The following SLC19A1 variants were observed in gnomAD, a reference collection of about 807,000 sequenced individuals.
The protein encoded by SLC19A1 is reduced folate transporter.
SLC19A1 carries 37 observed loss-of-function variants against 35.3 expected under a neutral mutation model. The observed-to-expected ratio is 1.05, with a 90% confidence interval of 0.81 to 1.38. The LOEUF (loss-of-function observed/expected upper bound fraction) is 1.38. Ranked by LOEUF, SLC19A1 falls within the 40% of genes most tolerant of loss-of-function variation. The pLI, the probability that SLC19A1 is intolerant of heterozygous loss-of-function variation, is 0.00. For missense variants in SLC19A1, 831 were observed against 826.9 expected, an observed-to-expected ratio of 1.00 and a Z score of -0.06; for synonymous variants, 460 against 398.5, an observed-to-expected ratio of 1.15 and a Z score of -1.84.
intron 1 of SLC19A1, among the ~76,000 whole-genome samples, chr21:45,555,193 CGGGGGCGGCGCA>C (rs1419722831): frequency 7.5e-5 from 1 of 13,328 alleles, no homozygotes; most frequent in African/African-American, 4.5e-4. Context: ...CAGGGGGCGG[CGGGGGCGGCGCA>C]GGGGGCGGTG....
chr21:45,525,673 G>A, intron 5 of SLC19A1, 144 bp downstream of exon 5: 1 of 842,544 alleles, frequency 1.2e-6, no homozygotes, highest in Non-Finnish European at 1.8e-6. Context: ...TCGCTGGCCT[G>A]GTGTGTCCCA....
intron 3 of SLC19A1, among the ~76,000 whole-genome samples, chr21:45,503,622 T>A (rs1433128675): frequency 2.5e-5 from 3 of 118,036 alleles, no homozygotes; most frequent in East Asian, 2.6e-4. Flanking sequence ...AACATCACAC[T>A]CTGGGGACTG....
downstream of SLC19A1, among the ~76,000 whole-genome samples, chr21:45,510,592 A>T (rs2037523002): frequency 6.6e-6 from 1 of 152,134 alleles, no homozygotes; most frequent in Non-Finnish European, 1.5e-5. Flanking sequence ...GGGCTCACAT[A>T]CAAGCCTGGA....
intron 4 of SLC19A1, among the ~76,000 whole-genome samples, chr21:45,527,300 C>T (rs1163783542): frequency 7.0e-6 from 1 of 142,302 alleles, no homozygotes; most frequent in African/African-American, 2.7e-5. Flanking sequence ...TATGCCCGGG[C>T]AGGCCCTGGA....
Position 45,515,113 on chromosome 21 carries a change from T to C in SLC19A1, c.*545A>G. 2 of 1,542,234 alleles carry C rather than the reference T, an allele frequency of 1.3e-6. No homozygotes were observed. The highest frequency in any genetic ancestry group is 1.7e-6 in the Non-Finnish European group (2 of 1,144,504). ...GTGTCTGCCGCCAACCTGAGATGGC[T>C]TTTCCACAGAGACAGAGAAGCCACA... On this transcript the variant is annotated 3_prime_UTR_variant, in exon 6 of 6. Transcript: ENST00000311124.
intron 3 of SLC19A1, chr21:45,505,035 C>T (rs1202851412): frequency 1.2e-5 from 18 of 1,485,502 alleles, no homozygotes; most frequent in East Asian, 2.4e-5. Context: ...AGAGGCTGCG[C>T]TCGCCAAGGG....
intron 3 of SLC19A1, chr21:45,505,130 G>T (rs368482196): frequency 6.2e-7 from 1 of 1,608,212 alleles, no homozygotes; most frequent in Admixed American, 1.7e-5. Context: ...GTCGCCGTCC[G>T]TAGGGTCCCA....
At chr21:45,539,589 T>C (rs898927336) in intron 1 of SLC19A1, among the ~76,000 whole-genome samples, 2 of 152,184 alleles carry the variant, frequency 1.3e-5, no homozygotes, top group Non-Finnish European at 2.9e-5. Flanking sequence ...AGTCTTCACG[T>C]ATCAGAGACC....
rs1229244269 is a variant in SLC19A1 at position 45,514,321 on chromosome 21, G to A, written c.*1337C>T. 2 of 151,916 alleles carry A rather than the reference G, an allele frequency of 1.3e-5. No homozygotes were observed. The highest frequency in any genetic ancestry group is 2.4e-5 in the African/African-American group (1 of 41,288). 9.4% of individuals were successfully genotyped at this position (151,916 alleles called of 1,614,324 possible). A position where few individuals can be genotyped will look rare whatever the true frequency, so the allele number is the denominator to read the frequency against. The stretch of plus-strand genomic sequence containing the variant: ...AGCCCCTGGATGCACCTGGGACCAT[G>A]GCCCTGTCTGACTGGCACCATCCAC... On this transcript the variant is annotated 3_prime_UTR_variant, in exon 6 of 6. Transcript: ENST00000311124.
downstream of SLC19A1, chr21:45,507,645 G>A (rs771223547): frequency 8.5e-6 from 13 of 1,528,854 alleles, no homozygotes; most frequent in East Asian, 2.3e-5. Flanking sequence ...ACATGAGGGG[G>A]TATGTGCTGT....
At chr21:45,505,145 A>C in intron 3 of SLC19A1, 1 of 1,609,520 alleles carries the variant, frequency 6.2e-7, no homozygotes, top group Non-Finnish European at 8.5e-7. Flanking sequence ...GTCCCAAGGG[A>C]GAGAGCATCC....
chr21:45,513,839 C>T lies in SLC19A1; in HGVS notation c.*1819G>A, dbSNP rs1024918914. 3.3e-5 allele frequency: 5 copies of T among 152,270 alleles called. No homozygotes were observed. Among genetic ancestry groups the T allele is most frequent in the Non-Finnish European group, 4.4e-5 (3 of 68,056 alleles). The allele number at this position is 152,270 out of a possible 1,614,324, so 9.4% of individuals were successfully genotyped here. A position where few individuals can be genotyped will look rare whatever the true frequency, so the allele number is the denominator to read the frequency against. On this transcript the variant is annotated 3_prime_UTR_variant, in exon 6 of 6. Transcript: ENST00000311124. ...GGCAGATCCCGAGTGTGCACAGGCA[C>T]GCACGGTTACATGGGGTATGCATGC...
At chr21:45,539,224 ACAGGTGCACCT>A (rs1443061963) in intron 1 of SLC19A1, among the ~76,000 whole-genome samples, 5 of 152,184 alleles carry the variant, frequency 3.3e-5, no homozygotes, top group Admixed American at 6.5e-5. Context: ...CTGGTCCCCC[ACAGGTGCACCT>A]CACGTCTGTA....
chr21:45,515,684 C>T lies in SLC19A1; in HGVS notation c.1750G>A (p.Asp584Asn), dbSNP rs774020530. 30 of 1,613,570 alleles carry T rather than the reference C, an allele frequency of 1.9e-5. No homozygotes were observed. Among genetic ancestry groups the T allele is most frequent in the Middle Eastern group, 1.6e-4 (1 of 6,084 alleles). The change falls in exon 6 of 6, where the codon GAC (aspartate) becomes AAC (asparagine). Residue 584 changes from aspartate to asparagine, a missense_variant. Physicochemically the swap from Asp to Asn is conservative, Grantham distance 23 (BLOSUM62 1). Transcript: ENST00000311124. ...CACTGGTTCACATTCTGAACACCGTCGCTTGGAAGACACTGCAAACCCAGC... is the reference window on the plus strand; with the variant it reads ...CACTGGTTCACATTCTGAACACCGTTGCTTGGAAGACACTGCAAACCCAGC... ...SKLGLQCLPS[D>N]GVQNVNQ
At chr21:45,544,019 C>T (rs35132960), upstream of SLC19A1, 210 of 152,580 alleles carry the variant, frequency 1.4e-3, no homozygotes, top group Non-Finnish European at 2.5e-3. Flanking sequence ...AGCAGCGGGG[C>T]TCCTAGACCC....
upstream of SLC19A1, among the ~76,000 whole-genome samples, chr21:45,544,987 G>T (rs1569025310): frequency 2.0e-5 from 3 of 152,236 alleles, no homozygotes; most frequent in East Asian, 1.9e-4. Flanking sequence ...TCAGCATAGG[G>T]AGGCAGTGGC....
At chr21:45,556,961 A>C (rs2078569280) in intron 1 of SLC19A1, among the ~76,000 whole-genome samples, 2 of 151,914 alleles carry the variant, frequency 1.3e-5, no homozygotes, top group Admixed American at 6.6e-5. Context: ...ACGGCGACTC[A>C]GATGCATGTG....
chr21:45,536,900 GA>G (rs1205706610), intron 2 of SLC19A1, among the ~76,000 whole-genome samples: 1 of 152,136 alleles, frequency 6.6e-6, no homozygotes, highest in East Asian at 1.9e-4. Flanking sequence ...GTGCCTTATG[GA>G]CAAGGACCCC....
At chr21:45,549,649 G>A (rs949614509) in intron 1 of SLC19A1, among the ~76,000 whole-genome samples, 1 of 108,012 alleles carries the variant, frequency 9.3e-6, no homozygotes, top group African/African-American at 3.7e-5. Context: ...AGGGGGACAG[G>A]TAGTGGGTGG....
Sources: allele counts gnomAD v4.1 joint callset (sites outside exome capture counted in the v4.1 genomes callset), GRCh38; gene constraint gnomAD v4.1.1; transcripts MANE v1.5; gene names NCBI Gene and HGNC (gene_info 2026-07-23, HGNC 2026-07-21).